Variants in GRAMD1B observed in about 807,000 individuals in gnomAD.
GRAMD1B encodes the protein GRAM domain containing 1B, also known as protein Aster-B.
A neutral mutation model predicts 99.7 loss-of-function variants in GRAMD1B; 37 were observed. The observed-to-expected ratio is 0.37, with a 90% CI of 0.29 to 0.49. The LOEUF is 0.49. GRAMD1B is among the 20% of genes least tolerant of loss of function. The pLI is 0.98. For missense variants in GRAMD1B, 888 were observed against 1,009.2 expected (o/e 0.88, Z 1.63); for synonymous variants, 427 against 387.6 (o/e 1.10, Z -1.19).
intron 4 of GRAMD1B, among the ~76,000 whole-genome samples, chr11:123,592,239 T>A (rs1317899214): frequency 6.6e-6 from 1 of 152,182 alleles, no homozygotes; most frequent in Non-Finnish European, 1.5e-5. Flanking sequence ...TATCTCATTC[T>A]CAAGGGAGTG....
chr11:123,614,633 CA>C, intron 16 of GRAMD1B, 111 bp from the exon 17 acceptor site: 1 of 631,232 alleles, frequency 1.6e-6, no homozygotes. Flanking sequence ...GTCACAGTGT[CA>C]TGGACATTTT....
chr11:123,438,222 G>C (rs1293366774), intron 1 of GRAMD1B, among the ~76,000 whole-genome samples: 1 of 152,134 alleles, frequency 6.6e-6, no homozygotes, highest in Admixed American at 6.6e-5. Context: ...AGGTTTTCCA[G>C]CTGAGGAACC....
intron 2 of GRAMD1B, among the ~76,000 whole-genome samples, chr11:123,548,321 T>TACACACACACACACAC (rs1484787385): frequency 7.5e-5 from 8 of 107,204 alleles, no homozygotes; most frequent in East Asian, 3.0e-4. Context: ...TATATATATA[T>TACACACACACACACAC]ATATACACAC....
intron 2 of GRAMD1B, chr11:123,526,104 C>T (rs369092038): frequency 9.8e-5 from 156 of 1,587,698 alleles, no homozygotes; most frequent in Admixed American, 2.8e-4. Context: ...GGAGCTGTAA[C>T]GGGGATGCTA....
intron 2 of GRAMD1B, chr11:123,560,193 G>A (rs1027930608): frequency 3.4e-5 from 35 of 1,030,242 alleles, no homozygotes; most frequent in African/African-American, 2.7e-4. Flanking sequence ...GTGTGTGCGC[G>A]TGTGCGTGTC....
chr11:123,492,895 C>CACACACACACACAT lies in GRAMD1B; in HGVS notation c.452+12002_452+12003insACACACACACACAT, dbSNP rs1555043308. ...ACACACACACACACACACACACACA[C>CACACACACACACAT]GCATAGGCATAGATGCCTGTGATTG... On this transcript the variant is annotated intron_variant, in intron 2 of 19. Coordinates refer to ENST00000635736, the MANE Select transcript of GRAMD1B (RefSeq NM_001387025.1). This position sits in a 1 kb window ranked among gnomAD's most constrained non-coding sequence, Gnocchi z 4.2. 0.015 allele frequency among the ~76,000 whole-genome samples: 2,262 copies of CACACACACACACAT among 151,672 alleles called. 31 individuals are homozygous for CACACACACACACAT. The highest frequency in any genetic ancestry group is 0.022 in the Non-Finnish European group (1,501 of 67,872).
intron 2 of GRAMD1B, among the ~76,000 whole-genome samples, chr11:123,564,658 A>G (rs1947152467): frequency 2.0e-5 from 3 of 152,260 alleles, no homozygotes; most frequent in South Asian, 2.1e-4. Context: ...TTTACCTGGC[A>G]TGGGCATAGA....
intron 7 of GRAMD1B, 121 bp from the exon 8 acceptor site, chr11:123,600,347 T>G: frequency 3.1e-6 from 2 of 638,204 alleles, no homozygotes; most frequent in Non-Finnish European, 5.5e-6. Context: ...CACAGGTAAC[T>G]GAGAGTCATT....
chr11:123,372,093 C>T (rs1946547011), intron 1 of GRAMD1B, among the ~76,000 whole-genome samples: 2 of 152,214 alleles, frequency 1.3e-5, no homozygotes, highest in African/African-American at 4.8e-5. Flanking sequence ...TCTTTGTCAA[C>T]CTGTTATCCT....
chr11:123,453,337 A>T lies in GRAMD1B; in HGVS notation c.374+22171A>T, dbSNP rs529579914. Among the ~76,000 whole-genome samples, 3 of 152,126 alleles carry T rather than the reference A, an allele frequency of 2.0e-5. No individual in the cohort carries two copies. The South Asian group carries it at 6.2e-4, about 32-fold the overall frequency. On this transcript the variant is annotated intron_variant, in intron 1 of 19. Transcript: ENST00000635736. ...GCAAGTATATATATCTTTTTATTTT[A>T]AGACAATCTCACTCTGTCATCTAGG...
intron 1 of GRAMD1B, among the ~76,000 whole-genome samples, chr11:123,362,307 A>G (rs1203621103): frequency 6.6e-6 from 1 of 152,188 alleles, no homozygotes; most frequent in Non-Finnish European, 1.5e-5. Context: ...CTTTGGCTTG[A>G]AACTAGGTCA....
At chr11:123,394,283 T>G (rs1947380798) in intron 1 of GRAMD1B, among the ~76,000 whole-genome samples, 1 of 152,254 alleles carries the variant, frequency 6.6e-6, no homozygotes, top group African/African-American at 2.4e-5. Flanking sequence ...GTTTATAATT[T>G]TCTCTCTTAC....
At chr11:123,394,562 T>C (rs112669047) in intron 1 of GRAMD1B, among the ~76,000 whole-genome samples, 2 of 152,010 alleles carry the variant, frequency 1.3e-5, no homozygotes, top group African/African-American at 4.8e-5. Context: ...TCTCTTCTCT[T>C]CTTTTCATTT....
chr11:123,603,938 A>G (rs1009331268), intron 9 of GRAMD1B, among the ~76,000 whole-genome samples: 10 of 152,220 alleles, frequency 6.6e-5, no homozygotes, highest in African/African-American at 2.4e-4. Flanking sequence ...AGAAGTGGCA[A>G]TAAGTGTTTA....
intron 1 of GRAMD1B, among the ~76,000 whole-genome samples, chr11:123,453,237 T>G (rs1949966313): frequency 1.3e-5 from 2 of 151,968 alleles, no homozygotes; most frequent in South Asian, 4.1e-4. Context: ...TGCAGAAACA[T>G]AAACGTTTTC....
chr11:123,561,583 G>A (rs553202134), intron 2 of GRAMD1B, among the ~76,000 whole-genome samples: 35 of 152,300 alleles, frequency 2.3e-4, no homozygotes, highest in Non-Finnish European at 4.1e-4. Context: ...GAAGTAGAGG[G>A]CTGGGGGAGG....
chr11:123,494,243 G>A (rs925628322), intron 2 of GRAMD1B, among the ~76,000 whole-genome samples: 2 of 152,124 alleles, frequency 1.3e-5, no homozygotes, highest in Admixed American at 6.5e-5. Flanking sequence ...TTTCGTGACT[G>A]TAGCCCAAAT....
rs113591702 is a variant in GRAMD1B, at chr11:123,424,900, C to T, written c.-175-55916C>T. ...CAAGGAGCTTTACACAGTGTTCTAGCGTAACAACTACTTGTAGAATTAAAC... is the reference window on the plus strand; with the variant it reads ...CAAGGAGCTTTACACAGTGTTCTAGTGTAACAACTACTTGTAGAATTAAAC... On this transcript the variant is annotated intron_variant, in intron 1 of 20. Transcript: ENST00000638157. Among the ~76,000 whole-genome samples, 733 of 152,258 alleles carry T rather than the reference C, an allele frequency of 4.8e-3. 6 individuals are homozygous for T. The highest frequency in any genetic ancestry group is 0.016 in the African/African-American group (654 of 41,548).
At chr11:123,450,246 T>A (rs1237718634) in intron 1 of GRAMD1B, among the ~76,000 whole-genome samples, 1 of 152,172 alleles carries the variant, frequency 6.6e-6, no homozygotes, top group Non-Finnish European at 1.5e-5. Flanking sequence ...GAGCATTTAT[T>A]TTTGGAGCTG....
Sources: gnomAD v4.1 joint callset for allele counts (sites outside exome capture counted in the v4.1 genomes callset) on GRCh38, gnomAD v4.1.1 for gene constraint, Gnocchi (gnomAD v3.1) non-coding constraint, MANE v1.5 for transcripts, NCBI Gene and HGNC (gene_info 2026-07-23, HGNC 2026-07-21) for gene names.